Variants in CAMKMT observed in about 807,000 individuals in gnomAD.
CAMKMT encodes calmodulin-lysine N-methyltransferase, also known as CaM KMT.
A neutral mutation model predicts 48.0 loss-of-function variants in CAMKMT; 53 were observed. The observed-to-expected ratio is 1.10, with a 90% CI of 0.89 to 1.39. CAMKMT has a LOEUF of 1.39. Ranked by LOEUF, CAMKMT falls within the 40% of genes most tolerant of loss-of-function variation. CAMKMT has a pLI of 0.00. For missense variants in CAMKMT, 428 were observed against 402.7 expected (o/e 1.06, Z -0.54); for synonymous variants, 165 against 152.3 (o/e 1.08, Z -0.61).
At chr2:44,504,273 G>C (rs567921165) in intron 3 of CAMKMT, among the ~76,000 whole-genome samples, 23 of 152,214 alleles carry the variant, frequency 1.5e-4, no homozygotes, top group Non-Finnish European at 2.2e-4. Flanking sequence ...CAGAATCCTA[G>C]AAGATAAGAC....
intron 3 of CAMKMT, among the ~76,000 whole-genome samples, chr2:44,479,726 G>A (rs1558646857): frequency 1.3e-5 from 2 of 152,072 alleles, no homozygotes; most frequent in African/African-American, 4.8e-5. Context: ...TATACTGTAA[G>A]GGCTCTTCTT....
chr2:44,673,500 A>AGGAAGGAG (rs1558786729), intron 3 of CAMKMT, among the ~76,000 whole-genome samples: 1 of 142,224 alleles, frequency 7.0e-6, no homozygotes, highest in African/African-American at 2.7e-5. Flanking sequence ...GAAGGAAGGA[A>AGGAAGGAG]GGAAGGAAGG....
At chr2:44,486,643 A>T (rs1002846356) in intron 3 of CAMKMT, among the ~76,000 whole-genome samples, 2 of 152,236 alleles carry the variant, frequency 1.3e-5, no homozygotes, top group Non-Finnish European at 2.9e-5. Context: ...AATGTTGTTA[A>T]AGGAACTTTA....
intron 3 of CAMKMT, among the ~76,000 whole-genome samples, chr2:44,446,332 C>T (rs1474516291): frequency 6.6e-6 from 1 of 151,782 alleles, no homozygotes; most frequent in Admixed American, 6.6e-5. Context: ...TTGGTCTTTC[C>T]CTTATATTAT....
At chr2:44,574,191 A>G (rs552387090) in intron 3 of CAMKMT, among the ~76,000 whole-genome samples, 37 of 152,330 alleles carry the variant, frequency 2.4e-4, no homozygotes, top group Non-Finnish European at 4.1e-4. Flanking sequence ...CTATTATACA[A>G]TGCCACTCAG....
chr2:44,615,172 G>A (rs1054130275), intron 3 of CAMKMT, among the ~76,000 whole-genome samples: 8 of 151,760 alleles, frequency 5.3e-5, no homozygotes, highest in South Asian at 2.1e-4. Context: ...GTGATCCCCC[G>A]ACCTCAGCCT....
At chr2:44,501,286 T>C (rs2104741639) in intron 3 of CAMKMT, among the ~76,000 whole-genome samples, 1 of 152,274 alleles carries the variant, frequency 6.6e-6, no homozygotes, top group South Asian at 2.1e-4. Flanking sequence ...CCACGTGTGG[T>C]ATCTTTCTTT....
At chr2:44,694,410 C>T (rs1432757438) in intron 3 of CAMKMT, among the ~76,000 whole-genome samples, 1 of 152,008 alleles carries the variant, frequency 6.6e-6, no homozygotes, top group African/African-American at 2.4e-5. Flanking sequence ...CCTATCTCTA[C>T]CAAAAATAGA....
chr2:44,386,737 G>A (rs573335845), intron 2 of CAMKMT, among the ~76,000 whole-genome samples: 3 of 152,150 alleles, frequency 2.0e-5, no homozygotes, highest in South Asian at 4.1e-4. Flanking sequence ...TCAGTTCGAA[G>A]AATTTTTTAA....
At chr2:44,427,423 A>G (rs1438653630) in intron 3 of CAMKMT, among the ~76,000 whole-genome samples, 2 of 152,234 alleles carry the variant, frequency 1.3e-5, no homozygotes, top group Non-Finnish European at 2.9e-5. Context: ...AAAGACTAGT[A>G]TCCAGAATCT....
chr2:44,461,491 C>T (rs1667847354), intron 3 of CAMKMT, among the ~76,000 whole-genome samples: 1 of 152,112 alleles, frequency 6.6e-6, no homozygotes, highest in Admixed American at 6.6e-5. Context: ...TGTTCTTAAT[C>T]ACTGTTACTC....
intron 3 of CAMKMT, among the ~76,000 whole-genome samples, chr2:44,402,740 G>GTTTTTTTTTTTTTTTTTTTCTT: frequency 1.1e-5 from 1 of 94,104 alleles, no homozygotes; most frequent in African/African-American, 4.1e-5. Flanking sequence ...TTGTTTTGCT[G>GTTTTTTTTTTTTTTTTTTTCTT]TTTTTTTTTT....
At chr2:44,455,124 G>A (rs1667491000) in intron 3 of CAMKMT, among the ~76,000 whole-genome samples, 1 of 152,178 alleles carries the variant, frequency 6.6e-6, no homozygotes, top group African/African-American at 2.4e-5. Context: ...AACTTGAGAA[G>A]AAATTCATGG....
rs78796627 is a variant in CAMKMT, at chr2:44,376,402, G to A, written c.311+3514G>A. Among the ~76,000 whole-genome samples, 10 of 146,828 alleles carry A rather than the reference G, an allele frequency of 6.8e-5. No homozygotes were observed. In the South Asian group the frequency reaches 1.1e-3, roughly 16 times the overall value. ...TGCCACTGAACTCCAGCCTGGTGAC[G>A]AAGTGAGACTCTGTATCAAAAAAAA... is the stretch of plus-strand genomic sequence containing the variant. On this transcript the variant is annotated intron_variant, in intron 2 of 10. Coordinates refer to ENST00000378494, the MANE Select transcript of CAMKMT (RefSeq NM_024766.5).
At chr2:44,408,427 G>T (rs759444582) in intron 3 of CAMKMT, among the ~76,000 whole-genome samples, 1 of 151,932 alleles carries the variant, frequency 6.6e-6, no homozygotes, top group African/African-American at 2.4e-5. Flanking sequence ...TTATAGAAAG[G>T]TTTCTTGTTT....
At chr2:44,399,680 C>T (rs1472267896) in intron 3 of CAMKMT, among the ~76,000 whole-genome samples, 3 of 151,722 alleles carry the variant, frequency 2.0e-5, no homozygotes, top group African/African-American at 4.8e-5. Flanking sequence ...TAAGAAAACT[C>T]TTGTCTTCCA....
At chr2:44,640,710 G>A (rs1034499468) in intron 3 of CAMKMT, among the ~76,000 whole-genome samples, 23 of 152,058 alleles carry the variant, frequency 1.5e-4, no homozygotes, top group Non-Finnish European at 3.2e-4. Context: ...TAATAATGTC[G>A]TTATTCAACC....
chr2:44,772,078 T>C lies in CAMKMT; in HGVS notation c.937T>C (p.Tyr313His), dbSNP rs767993868. 4 of 1,613,940 alleles carry C rather than the reference T, an allele frequency of 2.5e-6. No homozygotes were observed. Among genetic ancestry groups the C allele is most frequent in the Non-Finnish European group, 3.4e-6 (4 of 1,179,956 alleles). The change falls in exon 11 of 11, where the codon TAC becomes CAC. Residue 313 changes from tyrosine to histidine, a missense_variant. Physicochemically the swap from Tyr to His is moderately conservative, Grantham distance 83. Transcript: ENST00000378494. ...NPDIYEENLH[Y>H]PLLLILTKHG is the part of the protein sequence containing the mutation. ...GGACATATATGAAGAAAACCTTCAT[T>C]ACCCGCTTCTGCTTATTTTGACCAA...
intron 3 of CAMKMT, among the ~76,000 whole-genome samples, chr2:44,532,399 G>C (rs1666534115): frequency 6.6e-6 from 1 of 152,190 alleles, no homozygotes; most frequent in Admixed American, 6.5e-5. Context: ...CAGCTGGAGT[G>C]AATTCAAAAG....
Sources: gnomAD v4.1 joint callset for allele counts (sites outside exome capture counted in the v4.1 genomes callset) on GRCh38, gnomAD v4.1.1 for gene constraint, MANE v1.5 for transcripts, NCBI Gene and HGNC (gene_info 2026-07-23, HGNC 2026-07-21) for gene names.